The following DDR2 variants were observed in gnomAD, a reference collection of about 807,000 sequenced individuals.
The protein encoded by DDR2 is discoidin domain receptor tyrosine kinase 2, also known as discoidin domain-containing receptor 2.
DDR2 carries 27 observed loss-of-function variants against 94.9 expected under a neutral mutation model. The observed-to-expected ratio is 0.28, with a 90% CI of 0.21 to 0.39. The LOEUF is 0.39. Ranked by LOEUF, DDR2 falls within the 10% of genes least tolerant of loss-of-function variation. The pLI, the probability that DDR2 is intolerant of heterozygous loss-of-function variation, is 1.00. For missense variants in DDR2, 783 were observed against 1,076.0 expected (o/e 0.73, Z 3.81); for synonymous variants, 382 against 377.2 (o/e 1.01, Z -0.15).
chr1:162,770,273 A>C, intron 11 of DDR2, 29 bp from the exon 12 acceptor site: 2 of 1,610,892 alleles, frequency 1.2e-6, no homozygotes, highest in Non-Finnish European at 1.7e-6. Flanking sequence ...TTGTGCCAAC[A>C]TGCCTTTCTC....
chr1:162,751,647 G>C (rs1022964060), intron 3 of DDR2, among the ~76,000 whole-genome samples: 1 of 152,162 alleles, frequency 6.6e-6, no homozygotes. Context: ...CCATTACTGG[G>C]TATACACCCA....
intron 2 of DDR2, among the ~76,000 whole-genome samples, chr1:162,670,569 C>A (rs1041971905): frequency 2.6e-5 from 4 of 152,194 alleles, no homozygotes; most frequent in Non-Finnish European, 4.4e-5. Flanking sequence ...GGGTCTACAG[C>A]CTAGCCAAGC....
intron 3 of DDR2, among the ~76,000 whole-genome samples, chr1:162,735,294 C>A (rs936014851): frequency 6.6e-6 from 1 of 152,076 alleles, no homozygotes; most frequent in Non-Finnish European, 1.5e-5. Flanking sequence ...AAGAGCTGGA[C>A]GAGTCGAGGA....
At position 162,754,740 on chromosome 1, in the gene DDR2, G is replaced by A. The variant is rs2102133629; in HGVS notation, c.302G>A (p.Gly101Glu). 6.2e-7 allele frequency: 1 copy of A among 1,614,094 alleles called. No individual in the cohort carries two copies. Among genetic ancestry groups the A allele is most frequent in the Non-Finnish European group, 8.5e-7 (1 of 1,180,006 alleles). ...LHTLHFITLVGTQGRHAGGHG... is the reference protein window; with the variant it reads ...LHTLHFITLVETQGRHAGGHG... ...ACCCTCCATTTTATCACTCTGGTGG[G>A]GACCCAGGGGCGCCATGCAGGAGGT... The change falls in exon 5 of 18, where the codon GGG becomes GAG. Residue 101 changes from glycine to glutamate, a missense_variant. Coordinates refer to ENST00000367921, the MANE Select transcript of DDR2 (RefSeq NM_006182.4).
chr1:162,723,226 G>T (rs1335558188), intron 3 of DDR2, among the ~76,000 whole-genome samples: 1 of 152,110 alleles, frequency 6.6e-6, no homozygotes, highest in African/African-American at 2.4e-5. Context: ...CTGAGAGGAG[G>T]GTGAGGAACA....
chr1:162,765,322 A>G (rs1274765030), intron 9 of DDR2, among the ~76,000 whole-genome samples: 1 of 152,200 alleles, frequency 6.6e-6, no homozygotes, highest in Non-Finnish European at 1.5e-5. Context: ...TAATAATATT[A>G]AGAAGAAGAA....
intron 3 of DDR2, among the ~76,000 whole-genome samples, chr1:162,749,138 C>T (rs1390108098): frequency 6.6e-6 from 1 of 151,876 alleles, no homozygotes; most frequent in Non-Finnish European, 1.5e-5. Context: ...TAGCAGAAGG[C>T]AAGAAATAAC....
intron 1 of DDR2, among the ~76,000 whole-genome samples, chr1:162,643,335 T>A (rs1422369816): frequency 6.6e-6 from 1 of 152,142 alleles, no homozygotes. Flanking sequence ...CAAAATATAT[T>A]CTAACAAAGA....
intron 1 of DDR2, among the ~76,000 whole-genome samples, chr1:162,640,302 C>T (rs182602817): frequency 6.0e-4 from 91 of 152,182 alleles, no homozygotes; most frequent in Non-Finnish European, 1.1e-3. Context: ...AGCCTCCCAA[C>T]GTGCTGGGAT....
intron 2 of DDR2, among the ~76,000 whole-genome samples, chr1:162,663,758 G>C (rs927421449): frequency 6.6e-6 from 1 of 152,140 alleles, no homozygotes; most frequent in African/African-American, 2.4e-5. Flanking sequence ...AAGTCTCCCT[G>C]CTCTGGGAAG....
At chr1:162,728,024 ACTATATATAT>A (rs1172368344) in intron 3 of DDR2, among the ~76,000 whole-genome samples, 106 of 140,100 alleles carry the variant, frequency 7.6e-4, no homozygotes, top group African/African-American at 2.0e-3. Context: ...ATATAATCAC[ACTATATATAT>A]CTATATATAT....
intron 1 of DDR2, among the ~76,000 whole-genome samples, chr1:162,644,376 A>C (rs1657303567): frequency 6.6e-6 from 1 of 152,148 alleles, no homozygotes; most frequent in African/African-American, 2.4e-5. Flanking sequence ...AGTTTCTCAG[A>C]GCTATTGAGG....
chr1:162,747,654 A>C (rs1484878480), intron 3 of DDR2, among the ~76,000 whole-genome samples: 1 of 152,184 alleles, frequency 6.6e-6, no homozygotes. Flanking sequence ...AGAGAACGCC[A>C]CAAAGATACT....
rs1491543795 is a variant in DDR2, at chr1:162,764,410, AAG to A, written c.1100-1589_1100-1588del. On this transcript the variant is annotated intron_variant, in intron 9 of 17. Transcript: ENST00000367921. ...AATGCTTTAAAAAAAAAAAAAAAAA[AAG>A]AAATGTCCAAAGCAATATGAACAAT... is the stretch of plus-strand genomic sequence containing the variant. 4.4e-3 allele frequency among the ~76,000 whole-genome samples: 666 copies of A among 151,500 alleles called. 6 individuals carry two copies. The highest frequency in any genetic ancestry group is 0.015 in the African/African-American group (635 of 41,102).
rs796122406 is a variant in DDR2, at chr1:162,780,455, G to GA, written c.*219dup. On this transcript the variant is annotated 3_prime_UTR_variant, in exon 18 of 18. Coordinates refer to ENST00000367921, the MANE Select transcript of DDR2 (RefSeq NM_006182.4). ...TTTTTACATTAAAGAACTAAAAAAG[G>GA]AAAAAAAAAAGCCTAGGGCAGATAC... is the stretch of plus-strand genomic sequence containing the variant. The GA allele has an allele frequency of 6.7e-3, 3,181 of 471,806 alleles. No individual in the cohort carries two copies. The highest frequency in any genetic ancestry group is 9.4e-3 in the South Asian group (263 of 27,978). 29.2% of individuals were successfully genotyped at this position (471,806 alleles called of 1,614,324 possible). A position where few individuals can be genotyped will look rare whatever the true frequency, so the allele number is the denominator to read the frequency against.
chr1:162,661,844 G>A (rs554392304), intron 2 of DDR2, among the ~76,000 whole-genome samples: 2 of 152,318 alleles, frequency 1.3e-5, no homozygotes, highest in East Asian at 3.9e-4. Context: ...AAGAGGTTTA[G>A]GGTGAGATTC....
In DDR2 at chr1:162,755,595, A is replaced by G. The variant is rs537213171; in HGVS notation, c.566-69A>G. Reference sequence around the variant, plus strand: ...ACGCTGTGCAAGCTTATACCCTTGAAACTCACATAGTTCCCTGAGGTAATG... The same window carrying G: ...ACGCTGTGCAAGCTTATACCCTTGAGACTCACATAGTTCCCTGAGGTAATG... On this transcript the variant is annotated intron_variant, in intron 6 of 17. Transcript: ENST00000367921. The G allele has an allele frequency of 2.1e-6, 3 of 1,436,000 alleles. No homozygotes were observed. In the African/African-American group the frequency reaches 4.2e-5, roughly 20 times the overall value. 89.0% of individuals were successfully genotyped at this position (1,436,000 alleles called of 1,614,324 possible). A position where few individuals can be genotyped will look rare whatever the true frequency, so the allele number is the denominator to read the frequency against.
intron 3 of DDR2, among the ~76,000 whole-genome samples, chr1:162,735,858 A>G (rs1265687700): frequency 6.6e-6 from 1 of 152,238 alleles, no homozygotes; most frequent in Non-Finnish European, 1.5e-5. Flanking sequence ...CGTTAGAAGG[A>G]AAGTTATTTG....
At chr1:162,673,031 A>G (rs543831748) in intron 2 of DDR2, among the ~76,000 whole-genome samples, 2 of 152,354 alleles carry the variant, frequency 1.3e-5, no homozygotes, top group East Asian at 3.9e-4. Flanking sequence ...ATTTCATCAC[A>G]TCATTATGTA....
Sources: gnomAD v4.1 joint callset for allele counts (sites outside exome capture counted in the v4.1 genomes callset) on GRCh38, gnomAD v4.1.1 for gene constraint, MANE v1.5 for transcripts, NCBI Gene and HGNC (gene_info 2026-07-23, HGNC 2026-07-21) for gene names.